CNTNAP2: variants seen among roughly 807,000 people sequenced by gnomAD.
CNTNAP2 encodes the protein contactin-associated protein-like 2.
In CNTNAP2, 98 loss-of-function variants were observed where a neutral mutation model predicts 155.2. The ratio of observed to expected loss-of-function variants is 0.63; its 90% CI spans 0.54 to 0.75. The LOEUF (loss-of-function observed/expected upper bound fraction) is 0.75, where lower values mean the gene tolerates loss of function less well. CNTNAP2 is among the 30% of genes least tolerant of loss of function. The pLI is 0.00. For synonymous variants in CNTNAP2, 651 were observed against 631.2 expected, an observed-to-expected ratio of 1.03 and a Z score of -0.47; for missense variants, 1,727 against 1,688.1, an observed-to-expected ratio of 1.02 and a Z score of -0.40.
At chr7:147,074,597 A>G (rs1799960548) in intron 4 of CNTNAP2, among the ~76,000 whole-genome samples, 1 of 152,204 alleles carries the variant, frequency 6.6e-6, no homozygotes, top group Admixed American at 6.5e-5. Context: ...ACTTATATGG[A>G]ACCTTTTAGA....
At chr7:146,340,197 A>G (rs1313441267) in intron 1 of CNTNAP2, among the ~76,000 whole-genome samples, 1 of 148,206 alleles carries the variant, frequency 6.7e-6, no homozygotes, top group East Asian at 2.0e-4. Flanking sequence ...AAAAAGAAAT[A>G]CATAGGGTTG....
intron 15 of CNTNAP2, among the ~76,000 whole-genome samples, chr7:148,116,038 C>T (rs1427814540): frequency 6.6e-6 from 1 of 151,570 alleles, no homozygotes; most frequent in Non-Finnish European, 1.5e-5. Context: ...ACTCAGGAGG[C>T]TGAGACAGGA....
chr7:147,346,634 C>G (rs1795867901), intron 9 of CNTNAP2, among the ~76,000 whole-genome samples: 1 of 152,148 alleles, frequency 6.6e-6, no homozygotes, highest in Non-Finnish European at 1.5e-5. Context: ...GCAGGATGTT[C>G]AGATACAATT....
At chr7:146,422,580 T>A (rs1407427283) in intron 1 of CNTNAP2, among the ~76,000 whole-genome samples, 1 of 152,026 alleles carries the variant, frequency 6.6e-6, no homozygotes, top group Non-Finnish European at 1.5e-5. Context: ...AAGAGTAAAT[T>A]GCCTTATAGC....
intron 16 of CNTNAP2, among the ~76,000 whole-genome samples, chr7:148,125,026 G>A (rs182503062): frequency 2.6e-5 from 4 of 152,268 alleles, no homozygotes; most frequent in Admixed American, 1.3e-4. Context: ...TATTGTTAGA[G>A]TGTGAAGTAT....
intron 21 of CNTNAP2, among the ~76,000 whole-genome samples, chr7:148,276,636 T>C (rs1329137344): frequency 6.6e-6 from 1 of 152,234 alleles, no homozygotes; most frequent in Non-Finnish European, 1.5e-5. Context: ...ATCTGCCATA[T>C]TACGGATCTA....
chr7:146,603,128 G>A lies in CNTNAP2; in HGVS notation c.98-171143G>A, dbSNP rs896259595. Reference sequence around the variant, plus strand: ...AGTACATGTAAATTTAAAATATTGCGATAGCTGGGCGAGGTGGCTCACGCC... The same window carrying A: ...AGTACATGTAAATTTAAAATATTGCAATAGCTGGGCGAGGTGGCTCACGCC... On this transcript the variant is annotated intron_variant, in intron 1 of 23. Transcript: ENST00000361727. Among the ~76,000 whole-genome samples, 6 of 151,318 alleles carry A rather than the reference G, an allele frequency of 4.0e-5. 1 individual carries two copies. The highest frequency in any genetic ancestry group is 2.0e-4 in the Admixed American group (3 of 15,200).
chr7:147,199,662 G>T (rs539186046), intron 8 of CNTNAP2, among the ~76,000 whole-genome samples: 2 of 151,328 alleles, frequency 1.3e-5, no homozygotes, highest in Admixed American at 1.3e-4. Context: ...CTAGCTAAGT[G>T]GTTCCTTGGA....
At chr7:146,216,248 T>A (rs940999017) in intron 1 of CNTNAP2, among the ~76,000 whole-genome samples, 1 of 152,192 alleles carries the variant, frequency 6.6e-6, no homozygotes, top group African/African-American at 2.4e-5. Context: ...TCTTGGAAGT[T>A]AGGCAGTGGT....
In CNTNAP2 at chr7:147,614,656, C is replaced by T. The variant is rs1305253166; in HGVS notation, c.1898-24450C>T. On this transcript the variant is annotated intron_variant, in intron 12 of 23. Coordinates refer to ENST00000361727, the MANE Select transcript of CNTNAP2 (RefSeq NM_014141.6). ...TACTTTCTTTTTCTAATGACTAAGA[C>T]CCCAACATAATGTTGACTAGAAACA... is the stretch of plus-strand genomic sequence containing the variant. 2.0e-5 allele frequency among the ~76,000 whole-genome samples: 3 copies of T among 151,408 alleles called. No homozygotes were observed. In the East Asian group the frequency reaches 5.8e-4, roughly 29 times the overall value.
chr7:148,328,210 A>G (rs1428241066), intron 21 of CNTNAP2, among the ~76,000 whole-genome samples: 1 of 151,996 alleles, frequency 6.6e-6, no homozygotes, highest in African/African-American at 2.4e-5. Context: ...GGGAGTGGGA[A>G]AGCTTTCAGG....
intron 3 of CNTNAP2, among the ~76,000 whole-genome samples, chr7:147,010,278 G>T (rs1798600985): frequency 1.3e-5 from 2 of 151,942 alleles, no homozygotes; most frequent in African/African-American, 2.4e-5. Context: ...CCAAAGTGCT[G>T]GGATTACAGA....
chr7:148,177,807 A>G (rs1794965426), intron 18 of CNTNAP2, among the ~76,000 whole-genome samples: 1 of 151,956 alleles, frequency 6.6e-6, no homozygotes, highest in Non-Finnish European at 1.5e-5. Flanking sequence ...AAGCTTTTTG[A>G]TTATTGTGAT....
intron 13 of CNTNAP2, among the ~76,000 whole-genome samples, chr7:147,838,032 G>A (rs944400397): frequency 1.1e-4 from 17 of 152,180 alleles, no homozygotes; most frequent in African/African-American, 3.9e-4. Context: ...TAGGTGGAGG[G>A]TCTCAAACCT....
intron 11 of CNTNAP2, among the ~76,000 whole-genome samples, chr7:147,553,627 T>C (rs1799894587): frequency 6.6e-6 from 1 of 152,182 alleles, no homozygotes. Context: ...TTTTACTTTT[T>C]TCTTCCTAGG....
rs142338446 is a variant in CNTNAP2 at position 147,596,465 on chromosome 7, G to A, written c.1897+34208G>A. Among the ~76,000 whole-genome samples the A allele has an allele frequency of 7.0e-3, 1,070 of 152,046 alleles. 10 individuals carry two copies. Among genetic ancestry groups the A allele is most frequent in the Non-Finnish European group, 0.011 (781 of 67,996 alleles). On this transcript the variant is annotated intron_variant, in intron 12 of 23. Transcript: ENST00000361727. ...AGTGATCTTTTAAAAACAGAAATTC[G>A]ATTGTTTTGCTTCCCTGCTTAAAAC...
intron 15 of CNTNAP2, among the ~76,000 whole-genome samples, chr7:148,098,718 G>A (rs186040271): frequency 3.3e-5 from 5 of 152,014 alleles, no homozygotes; most frequent in Non-Finnish European, 5.9e-5. Flanking sequence ...AGGTCTTTAC[G>A]TGCTATGTAT....
intron 1 of CNTNAP2, among the ~76,000 whole-genome samples, chr7:146,643,006 T>C (rs13233964): frequency 7.3e-6 from 1 of 136,388 alleles, no homozygotes; most frequent in African/African-American, 2.9e-5. Flanking sequence ...TGATGGGGTT[T>C]TTTGTTTTTT....
In CNTNAP2 at chr7:146,744,138, G is replaced by A. The variant is rs1040792256; in HGVS notation, c.98-30133G>A. Reference sequence around the variant, plus strand: ...AGCTAATTGGGAGGCTGAGGCAGGAGAATCGCTGGAACCTGGGGGGAAGAG... The same window carrying A: ...AGCTAATTGGGAGGCTGAGGCAGGAAAATCGCTGGAACCTGGGGGGAAGAG... On this transcript the variant is annotated intron_variant, in intron 1 of 23. Coordinates refer to ENST00000361727, the MANE Select transcript of CNTNAP2 (RefSeq NM_014141.6). Among the ~76,000 whole-genome samples, 4 of 145,696 alleles carry A rather than the reference G, an allele frequency of 2.7e-5. 1 individual carries two copies. Among genetic ancestry groups the A allele is most frequent in the African/African-American group, 1.0e-4 (4 of 39,258 alleles).
Sources: allele counts gnomAD v4.1 joint callset (sites outside exome capture counted in the v4.1 genomes callset), GRCh38; gene constraint gnomAD v4.1.1; transcripts MANE v1.5; gene names NCBI Gene and HGNC (gene_info 2026-07-23, HGNC 2026-07-21).